Variants in SLF1 observed in about 807,000 individuals in gnomAD.
The protein encoded by SLF1 is SMC5/6 complex localization factor 1.
SLF1 carries 105 observed loss-of-function variants against 123.0 expected under a neutral mutation model. The observed-to-expected ratio is 0.85, with a 90% CI of 0.73 to 1.00. SLF1 has a LOEUF of 1.00. Among genes scored for constraint, SLF1 ranks in the 50% least tolerant of loss-of-function variants. The probability of loss-of-function intolerance (pLI) is 0.00; values close to 1 mark genes in which losing one functional copy is unlikely to be tolerated. For synonymous variants in SLF1, 434 were observed against 406.6 expected, an observed-to-expected ratio of 1.07 and a Z score of -0.81; for missense variants, 1,239 against 1,223.0, an observed-to-expected ratio of 1.01 and a Z score of -0.20.
In SLF1 at chr5:94,665,982, C is replaced by T; in HGVS notation, c.1490C>T (p.Thr497Ile). The T allele has an allele frequency of 6.4e-7, 1 of 1,551,310 alleles. No individual in the cohort carries two copies. Among genetic ancestry groups the T allele is most frequent in the Non-Finnish European group, 8.7e-7 (1 of 1,146,840 alleles). Reference sequence around the variant, plus strand: ...TATTTAGAGTTGTTTCAGTGTCCAACTTGTATGAAAGGAGCATGGTCTTTA... The same window carrying T: ...TATTTAGAGTTGTTTCAGTGTCCAATTTGTATGAAAGGAGCATGGTCTTTA... ...RYYLELFQCP[T>I]CMKGAWSLVE... The change falls in exon 12 of 21, where the codon ACT becomes ATT. Residue 497 changes from threonine (T) to isoleucine (I), a missense_variant. By Grantham distance (89) the Thr-to-Ile change is moderately conservative. Coordinates refer to ENST00000265140, the MANE Select transcript of SLF1 (RefSeq NM_032290.4).
intron 9 of SLF1, among the ~76,000 whole-genome samples, chr5:94,660,410 C>G (rs1381798792): frequency 6.6e-6 from 1 of 152,128 alleles, no homozygotes; most frequent in Non-Finnish European, 1.5e-5. Context: ...TGCACAGGCA[C>G]CAGGAGTGGT....
At position 94,680,610 on chromosome 5, in the gene SLF1, C is replaced by T. The variant is rs533653679; in HGVS notation, c.1975+1655C>T. Reference sequence around the variant, plus strand: ...GATTAGCAGTGGCTTTAGAGATTATCAGGATAGTTAGATGTCTTGTTTCCA... The same window carrying T: ...GATTAGCAGTGGCTTTAGAGATTATTAGGATAGTTAGATGTCTTGTTTCCA... On this transcript the variant is annotated intron_variant, in intron 15 of 20. Coordinates refer to ENST00000265140, the MANE Select transcript of SLF1 (RefSeq NM_032290.4). 3.3e-5 allele frequency among the ~76,000 whole-genome samples: 5 copies of T among 152,250 alleles called. No individual in the cohort carries two copies. In the South Asian group the frequency reaches 1.0e-3, roughly 32 times the overall value.
In SLF1 at chr5:94,652,711, G is replaced by T. The variant is rs375916616; in HGVS notation, c.883-561G>T. ...TTTAGTAATTTCTCTAGCTTAGTTG[G>T]TATATTCCTAGGAATGGAGTTGCTG... is the stretch of plus-strand genomic sequence containing the variant. On this transcript the variant is annotated intron_variant, in intron 7 of 20. Coordinates refer to ENST00000265140, the MANE Select transcript of SLF1 (RefSeq NM_032290.4). Among the ~76,000 whole-genome samples, 6 of 152,086 alleles carry T rather than the reference G, an allele frequency of 3.9e-5. No individual in the cohort carries two copies. The South Asian group carries it at 1.2e-3, about 32-fold the overall frequency.
At chr5:94,635,382 C>T (rs1440243584) in intron 4 of SLF1, among the ~76,000 whole-genome samples, 1 of 128,820 alleles carries the variant, frequency 7.8e-6, no homozygotes, top group Admixed American at 8.1e-5. Context: ...TCTTTTTGAC[C>T]ACTCTATGTC....
chr5:94,692,030 T>G, intron 19 of SLF1, 44 bp from the exon 20 acceptor site: 1 of 1,592,550 alleles, frequency 6.3e-7, no homozygotes, highest in Non-Finnish European at 8.6e-7. Flanking sequence ...CTACCAAAAG[T>G]CCTACTTCTG....
intron 1 of SLF1, among the ~76,000 whole-genome samples, chr5:94,624,287 T>C (rs1750534430): frequency 6.6e-6 from 1 of 152,222 alleles, no homozygotes; most frequent in African/African-American, 2.4e-5. Context: ...TCAAAGGAAA[T>C]AAATTGCTTT....
intron 4 of SLF1, among the ~76,000 whole-genome samples, chr5:94,631,908 G>A (rs1222706054): frequency 1.3e-5 from 2 of 151,796 alleles, no homozygotes; most frequent in East Asian, 1.9e-4. Flanking sequence ...CTTGACCCCA[G>A]AGTCTTAGAT....
chr5:94,644,260 A>G (rs568766906), intron 5 of SLF1, among the ~76,000 whole-genome samples: 74 of 152,084 alleles, frequency 4.9e-4, no homozygotes, highest in African/African-American at 1.6e-3. Flanking sequence ...CTGTAACTCT[A>G]CCTTTTTACT....
In SLF1 at chr5:94,695,123, T is replaced by C. The variant is rs1356391214; in HGVS notation, c.2988T>C (p.His996=). The C allele has an allele frequency of 6.2e-7, 1 of 1,612,648 alleles. No individual in the cohort carries two copies. ...AACTGCTTATGGCTTGTAAAAGTCATAAAGAAACCACCAGTGTTCATACTG... is the reference window on the plus strand; with the variant it reads ...AACTGCTTATGGCTTGTAAAAGTCACAAAGAAACCACCAGTGTTCATACTG... The part of the protein sequence containing the change: ...LNELLMACKS[H]KETTSVHTDW... Residue 996 remains histidine (H), a synonymous_variant, in exon 21 of 21, where the codon CAT becomes CAC. Transcript: ENST00000265140.
chr5:94,638,283 A>G (rs1030317739), intron 4 of SLF1, among the ~76,000 whole-genome samples: 2 of 152,056 alleles, frequency 1.3e-5, no homozygotes, highest in African/African-American at 4.8e-5. Flanking sequence ...GGTTCACGCC[A>G]TTCTCTTGCC....
intron 5 of SLF1, among the ~76,000 whole-genome samples, chr5:94,647,776 A>C (rs903836706): frequency 4.6e-5 from 7 of 151,572 alleles, no homozygotes; most frequent in Non-Finnish European, 1.0e-4. Context: ...AAATATGTGG[A>C]TCATTTGTTT....
At position 94,671,000 on chromosome 5, in the gene SLF1, T is replaced by A. The variant is rs779494798; in HGVS notation, c.1819T>A (p.Ser607Thr). 6.5e-7 allele frequency: 1 copy of A among 1,531,866 alleles called. No individual in the cohort carries two copies. The highest frequency in any genetic ancestry group is 1.2e-5 in the South Asian group (1 of 82,600). The allele number at this position is 1,531,866 out of a possible 1,614,324, so 94.9% of individuals were successfully genotyped here. Residue 607 changes from serine to threonine, a missense_variant, in exon 14 of 21, where the codon TCT (serine) becomes ACT (threonine). Transcript: ENST00000265140. ...ATATTCTCACAAGGAAAAATTCAAG[T>A]CTAATGATGTAAGTAGGATTAATTT... ...TIYSHKEKFKSNDVFKHELAY... is the reference protein window; with the variant it reads ...TIYSHKEKFKTNDVFKHELAY...
At chr5:94,645,715 A>G (rs190480766) in intron 5 of SLF1, among the ~76,000 whole-genome samples, 266 of 152,344 alleles carry the variant, frequency 1.7e-3, no homozygotes, top group African/African-American at 5.7e-3. Flanking sequence ...GATAGCAGAA[A>G]GTCTCCAACT....
At position 94,686,279 on chromosome 5, in the gene SLF1, A is replaced by G. The variant is rs557299266; in HGVS notation, c.1976-294A>G. Reference sequence around the variant, plus strand: ...TATAGTGATAAATAAAATCCCCTCTATATATTCATATATTACCTAATCTGT... The same window carrying G: ...TATAGTGATAAATAAAATCCCCTCTGTATATTCATATATTACCTAATCTGT... On this transcript the variant is annotated intron_variant, in intron 15 of 20. Coordinates refer to ENST00000265140, the MANE Select transcript of SLF1 (RefSeq NM_032290.4). Among the ~76,000 whole-genome samples, 51 of 152,318 alleles carry G rather than the reference A, an allele frequency of 3.3e-4. 1 individual carries two copies. Among genetic ancestry groups the G allele is most frequent in the Admixed American group, 1.9e-3 (29 of 15,298 alleles).
chr5:94,695,247 G>A lies in SLF1; in HGVS notation c.3112G>A (p.Val1038Ile), dbSNP rs1279038058. 5 of 1,612,276 alleles carry A rather than the reference G, an allele frequency of 3.1e-6. No homozygotes were observed. The South Asian group carries it at 4.4e-5, about 14-fold the overall frequency. The change falls in exon 21 of 21, where the codon GTA (valine) becomes ATA (isoleucine). Residue 1038 changes from valine to isoleucine, a missense_variant. Transcript: ENST00000265140. ...TGAGAATTTGAAAGTGTGTCCTGGGGTACACACTGAGGCCTTGATGATAAC... is the reference window on the plus strand; with the variant it reads ...TGAGAATTTGAAAGTGTGTCCTGGGATACACACTGAGGCCTTGATGATAAC... ...LPENLKVCPG[V>I]HTEALMITLE...
At chr5:94,669,096 T>A (rs1307216952) in intron 12 of SLF1, among the ~76,000 whole-genome samples, 1 of 152,164 alleles carries the variant, frequency 6.6e-6, no homozygotes, top group Non-Finnish European at 1.5e-5. Flanking sequence ...AATAATGGGG[T>A]ACTGTGGAGG....
intron 12 of SLF1, among the ~76,000 whole-genome samples, chr5:94,666,646 C>CT (rs1561456925): frequency 6.6e-6 from 1 of 151,756 alleles, no homozygotes; most frequent in Admixed American, 6.6e-5. Flanking sequence ...AAGATCTTTT[C>CT]TTTTTTTGAG....
At chr5:94,682,082 G>A (rs1198895769) in intron 15 of SLF1, among the ~76,000 whole-genome samples, 2 of 152,114 alleles carry the variant, frequency 1.3e-5, no homozygotes, top group Non-Finnish European at 2.9e-5. Context: ...AAAGAAAAAG[G>A]CTTAAAAACA....
At chr5:94,672,857 T>G (rs1750626997) in intron 14 of SLF1, among the ~76,000 whole-genome samples, 1 of 152,180 alleles carries the variant, frequency 6.6e-6, no homozygotes, top group Admixed American at 6.5e-5. Context: ...AGCTTATTAT[T>G]CACTATATGC....
Sources: allele counts gnomAD v4.1 joint callset (sites outside exome capture counted in the v4.1 genomes callset), GRCh38; gene constraint gnomAD v4.1.1; transcripts MANE v1.5; gene names NCBI Gene and HGNC (gene_info 2026-07-23, HGNC 2026-07-21).